The following SV2C variants were observed in gnomAD, a reference collection of about 807,000 sequenced individuals.
SV2C encodes the protein solute carrier family 22 member B3.
SV2C carries 49 observed loss-of-function variants against 79.7 expected under a neutral mutation model. The observed-to-expected ratio is 0.61, with a 90% confidence interval of 0.49 to 0.78. The LOEUF is 0.78. Ranked by LOEUF, SV2C falls within the 30% of genes least tolerant of loss-of-function variation. The probability of loss-of-function intolerance (pLI) is 0.00; values close to 1 mark genes in which losing one functional copy is unlikely to be tolerated. For missense variants in SV2C, 833 were observed against 912.9 expected (o/e 0.91, Z 1.13); for synonymous variants, 334 against 333.2 (o/e 1.00, Z -0.03).
intron 2 of SV2C, among the ~76,000 whole-genome samples, chr5:76,160,161 A>C (rs980879362): frequency 6.6e-6 from 1 of 152,156 alleles, no homozygotes; most frequent in African/African-American, 2.4e-5. Context: ...TGCAATCACT[A>C]TCAAAATCCC....
chr5:76,090,925 A>G (rs1747355099), intron 1 of SV2C, among the ~76,000 whole-genome samples: 1 of 152,206 alleles, frequency 6.6e-6, no homozygotes, highest in South Asian at 2.1e-4. Context: ...GTGGGTAGAG[A>G]AGGTGACCCA....
rs570156590 is a variant in SV2C, at chr5:76,134,134, G to A, written c.580+1804G>A. On this transcript the variant is annotated intron_variant, in intron 2 of 12. Coordinates refer to ENST00000502798, the MANE Select transcript of SV2C (RefSeq NM_014979.4). ...ACCCTGGTGATGTTACCCACCCCCA[G>A]GTGGCATTTAGAAGTGTAGATAATG... Among the ~76,000 whole-genome samples, 39 of 152,178 alleles carry A rather than the reference G, an allele frequency of 2.6e-4. No individual in the cohort carries two copies. In the East Asian group the frequency reaches 7.0e-3, roughly 27 times the overall value.
the SV2C span, among the ~76,000 whole-genome samples, chr5:75,902,674 T>A: frequency 1.3e-5 from 2 of 151,340 alleles, no homozygotes; most frequent in Non-Finnish European, 2.9e-5. Flanking sequence ...CCATGGTTTT[T>A]AGTGCAGACT....
intron 1 of SV2C, among the ~76,000 whole-genome samples, chr5:76,096,981 T>C (rs1208614949): frequency 6.6e-6 from 1 of 152,148 alleles, no homozygotes; most frequent in Non-Finnish European, 1.5e-5. Flanking sequence ...AGTCTCTTTA[T>C]TATTTCTCTC....
rs570356586 is a variant in SV2C, at chr5:76,107,016, A to G, written c.-102+23504A>G. Among the ~76,000 whole-genome samples, 4 of 152,340 alleles carry G rather than the reference A, an allele frequency of 2.6e-5. No homozygotes were observed. The East Asian group carries it at 7.7e-4, about 29-fold the overall frequency. On this transcript the variant is annotated intron_variant, in intron 1 of 12. Transcript: ENST00000502798. ...GTGTTAAAAGAATGAACGTATTCACAAATCATAAATAGAAACTCAAGAAAT... is the reference window on the plus strand; with the variant it reads ...GTGTTAAAAGAATGAACGTATTCACGAATCATAAATAGAAACTCAAGAAAT...
intron 12 of SV2C, among the ~76,000 whole-genome samples, chr5:76,302,105 T>A (rs1465916852): frequency 6.6e-6 from 1 of 152,166 alleles, no homozygotes; most frequent in Non-Finnish European, 1.5e-5. Context: ...ACTTAGTTTG[T>A]AGGCTAACAA....
At chr5:75,854,669 T>C in the SV2C span, among the ~76,000 whole-genome samples, 1 of 152,180 alleles carries the variant, frequency 6.6e-6, no homozygotes, top group Admixed American at 6.5e-5. Flanking sequence ...CTTTGTTTTT[T>C]AACATTTTCA....
the SV2C span, among the ~76,000 whole-genome samples, chr5:76,061,389 A>C: frequency 4.6e-5 from 7 of 152,022 alleles, no homozygotes; most frequent in Non-Finnish European, 1.0e-4. Flanking sequence ...AAGGATCACA[A>C]ATATTTTGAC....
At chr5:76,342,117 A>C (rs900505121) in intron 12 of SV2C, among the ~76,000 whole-genome samples, 1 of 152,106 alleles carries the variant, frequency 6.6e-6, no homozygotes, top group Admixed American at 6.5e-5. Context: ...TGGCAGCCAG[A>C]AAGAGGAGGA....
chr5:75,996,323 TG>T, the SV2C span, among the ~76,000 whole-genome samples: 2 of 152,192 alleles, frequency 1.3e-5, no homozygotes, highest in African/African-American at 4.8e-5. Flanking sequence ...CTGAGGGCTC[TG>T]TTCCGTTCCA....
At chr5:76,008,975 C>T in the SV2C span, among the ~76,000 whole-genome samples, 22 of 152,022 alleles carry the variant, frequency 1.4e-4, no homozygotes, top group African/African-American at 5.1e-4. Context: ...AGAACGCTGT[C>T]CCCCAGAGAT....
the SV2C span, among the ~76,000 whole-genome samples, chr5:75,943,474 TTATC>T: frequency 6.6e-6 from 1 of 152,296 alleles, no homozygotes; most frequent in Non-Finnish European, 1.5e-5. Flanking sequence ...AGCTTACTCT[TTATC>T]TTTTTCTTCT....
the SV2C span, among the ~76,000 whole-genome samples, chr5:75,950,716 C>T: frequency 8.8e-4 from 134 of 152,012 alleles, no homozygotes; most frequent in African/African-American, 3.0e-3. Context: ...ATGAATAAAT[C>T]GAGAAATATT....
intron 4 of SV2C, among the ~76,000 whole-genome samples, chr5:76,228,944 T>G (rs1745332899): frequency 6.6e-6 from 1 of 152,136 alleles, no homozygotes; most frequent in African/African-American, 2.4e-5. Flanking sequence ...TATGTGGTTT[T>G]CCATTCCATT....
At chr5:76,299,267 A>G (rs1747895864) in intron 10 of SV2C, among the ~76,000 whole-genome samples, 1 of 152,208 alleles carries the variant, frequency 6.6e-6, no homozygotes. Flanking sequence ...CCTCAACTCT[A>G]TAGCCAACAG....
At chr5:75,858,530 T>A in the SV2C span, among the ~76,000 whole-genome samples, 1 of 152,228 alleles carries the variant, frequency 6.6e-6, no homozygotes. Flanking sequence ...GATCTTTGCA[T>A]CAAAGTTCTT....
At chr5:76,182,949 GAGAGAGAGAC>G (rs1398917843) in intron 2 of SV2C, among the ~76,000 whole-genome samples, 1 of 79,080 alleles carries the variant, frequency 1.3e-5, no homozygotes, top group East Asian at 7.1e-4. Flanking sequence ...GTGAGAGAGA[GAGAGAGAGAC>G]AGAGAGAGAG....
chr5:76,019,153 C>A, the SV2C span, among the ~76,000 whole-genome samples: 4 of 152,164 alleles, frequency 2.6e-5, no homozygotes, highest in South Asian at 8.3e-4. Flanking sequence ...ACTGTTTCAG[C>A]TGTAGTACAG....
At chr5:76,017,730 G>C in the SV2C span, among the ~76,000 whole-genome samples, 1 of 152,172 alleles carries the variant, frequency 6.6e-6, no homozygotes, top group South Asian at 2.1e-4. Context: ...TTTTCCTGTT[G>C]GGGTGGATAA....
Sources: gnomAD v4.1 joint callset for allele counts (sites outside exome capture counted in the v4.1 genomes callset) on GRCh38, gnomAD v4.1.1 for gene constraint, MANE v1.5 for transcripts, NCBI Gene and HGNC (gene_info 2026-07-23, HGNC 2026-07-21) for gene names.